The following SFMBT2 variants were observed in gnomAD, a reference collection of about 807,000 sequenced individuals.
SFMBT2 encodes the protein Scm like with four mbt domains 2, also known as scm-like with four MBT domains protein 2.
SFMBT2 carries 38 observed loss-of-function variants against 110.1 expected under a neutral mutation model. The ratio of observed to expected loss-of-function variants is 0.35; its 90% confidence interval spans 0.27 to 0.45. The LOEUF (loss-of-function observed/expected upper bound fraction) is 0.45, where lower values mean the gene tolerates loss of function less well. Among genes scored for constraint, SFMBT2 ranks in the 20% least tolerant of loss-of-function variants. The probability of loss-of-function intolerance (pLI) is 1.00; values close to 1 mark genes in which losing one functional copy is unlikely to be tolerated. For missense variants in SFMBT2, 1,011 were observed against 1,094.9 expected (o/e 0.92, Z 1.08); for synonymous variants, 425 against 425.4 (o/e 1.00, Z 0.01).
At chr10:7,197,950 T>A (rs1215846528) in intron 14 of SFMBT2, 29 of 980,388 alleles carry the variant, frequency 3.0e-5, no homozygotes, top group Non-Finnish European at 3.4e-5. Context: ...GAAAAACAGA[T>A]GATTTTCTTC....
intron 4 of SFMBT2, chr10:7,329,389 G>T: frequency 1.0e-6 from 1 of 970,500 alleles, no homozygotes; most frequent in Non-Finnish European, 1.2e-6. Flanking sequence ...CCAGTCCTCA[G>T]CAGCCATCAG....
chr10:7,376,905 C>T (rs1475860219), intron 2 of SFMBT2, among the ~76,000 whole-genome samples: 2 of 148,550 alleles, frequency 1.3e-5, no homozygotes, highest in Admixed American at 6.7e-5. Flanking sequence ...AGTGTGGTGG[C>T]TCACGCCTGT....
chr10:7,331,098 T>C (rs1194083635), intron 4 of SFMBT2, among the ~76,000 whole-genome samples: 2 of 152,264 alleles, frequency 1.3e-5, no homozygotes, highest in Non-Finnish European at 2.9e-5. Flanking sequence ...CTGTGACTTC[T>C]TTGGTACTTG....
At chr10:7,263,636 G>GA (rs1004865273) in intron 7 of SFMBT2, among the ~76,000 whole-genome samples, 1 of 152,204 alleles carries the variant, frequency 6.6e-6, no homozygotes, top group Non-Finnish European at 1.5e-5. Context: ...ATGACTTGGG[G>GA]AAAAAATTAA....
intron 12 of SFMBT2, 34 bp downstream of exon 12, chr10:7,205,781 G>A: frequency 1.2e-6 from 2 of 1,603,898 alleles, no homozygotes; most frequent in Non-Finnish European, 1.7e-6. Flanking sequence ...GATCACTGGT[G>A]TCATCCACCC....
chr10:7,206,977 G>A (rs1231697457), intron 11 of SFMBT2: 1 of 973,538 alleles, frequency 1.0e-6, no homozygotes, highest in Non-Finnish European at 1.2e-6. Context: ...TGTAATCCCA[G>A]CACTTTGGGA....
intron 15 of SFMBT2, among the ~76,000 whole-genome samples, chr10:7,193,924 G>A (rs757769567): frequency 2.9e-4 from 44 of 152,276 alleles, no homozygotes; most frequent in Admixed American, 6.5e-4. Flanking sequence ...CTGGTACTCC[G>A]GGAGAGGTTG....
intron 4 of SFMBT2, among the ~76,000 whole-genome samples, chr10:7,290,159 A>C (rs1016705751): frequency 6.6e-6 from 1 of 152,152 alleles, no homozygotes; most frequent in Admixed American, 6.5e-5. Context: ...CAGGGAGAAA[A>C]ACACTCTGCA....
chr10:7,287,012 A>G (rs1313402704), intron 4 of SFMBT2, among the ~76,000 whole-genome samples: 1 of 152,128 alleles, frequency 6.6e-6, no homozygotes, highest in East Asian at 1.9e-4. Context: ...TCCAAGTAGA[A>G]AAGTGATAGG....
intron 7 of SFMBT2, among the ~76,000 whole-genome samples, chr10:7,255,444 A>G (rs1370778863): frequency 6.6e-6 from 1 of 152,202 alleles, no homozygotes; most frequent in Non-Finnish European, 1.5e-5. Context: ...AGAGTACTGG[A>G]GTCTGGTCAA....
In SFMBT2 at chr10:7,350,406, C is replaced by A. The variant is rs534385170; in HGVS notation, c.436+17243G>T. Among the ~76,000 whole-genome samples the A allele has an allele frequency of 3.3e-5, 5 of 152,210 alleles. No individual in the cohort carries two copies. The South Asian group carries it at 1.0e-3, about 32-fold the overall frequency. ...AAGATATCTGAACTACCAGGTGTGA[C>A]CCCACCCAGCCACTCTTCCGGGCCA... On this transcript the variant is annotated intron_variant, in intron 4 of 20. Coordinates refer to ENST00000397167, the MANE Select transcript of SFMBT2 (RefSeq NM_001387889.1).
At chr10:7,399,688 G>A (rs985904443) in intron 1 of SFMBT2, among the ~76,000 whole-genome samples, 5 of 152,164 alleles carry the variant, frequency 3.3e-5, no homozygotes, top group African/African-American at 7.2e-5. Flanking sequence ...GGAGGCCTGC[G>A]TCCATATGGT....
At chr10:7,169,784 G>A (rs1365779042) in intron 20 of SFMBT2, among the ~76,000 whole-genome samples, 1 of 152,112 alleles carries the variant, frequency 6.6e-6, no homozygotes, top group African/African-American at 2.4e-5. Flanking sequence ...AAGGGATAAT[G>A]TAAATAAAAA....
At position 7,160,298 on chromosome 10, in the gene SFMBT2, T is replaced by C. The variant is rs1837516382; in HGVS notation, c.*3472A>G. 6.6e-6 allele frequency: 1 copy of C among 152,242 alleles called. No individual in the cohort carries two copies. Among genetic ancestry groups the C allele is most frequent in the Admixed American group, 6.5e-5 (1 of 15,284 alleles). 9.4% of individuals were successfully genotyped at this position (152,242 alleles called of 1,614,324 possible). ...CTAGGTTGTTAGGCTTATGTCTTTG[T>C]GGACAGGATATTTTTTCAACATAGT... On this transcript the variant is annotated 3_prime_UTR_variant, in exon 21 of 21. Transcript: ENST00000397167.
intron 11 of SFMBT2, among the ~76,000 whole-genome samples, chr10:7,212,621 A>G (rs1381561599): frequency 1.3e-5 from 2 of 152,046 alleles, no homozygotes; most frequent in Admixed American, 1.3e-4. Flanking sequence ...TGACTCTTAC[A>G]CTCTATCGAT....
At chr10:7,260,972 G>T (rs1841179005) in intron 7 of SFMBT2, among the ~76,000 whole-genome samples, 1 of 151,182 alleles carries the variant, frequency 6.6e-6, no homozygotes, top group African/African-American at 2.4e-5. Context: ...AAAAAAAAAA[G>T]TGTGGCCTTG....
chr10:7,337,823 G>A (rs1289476694), intron 4 of SFMBT2, among the ~76,000 whole-genome samples: 1 of 152,124 alleles, frequency 6.6e-6, no homozygotes. Context: ...AGACGAAAAT[G>A]GCAGATTCAG....
chr10:7,319,862 C>CAGAGGGAGACAGAGAGGGAGAGAGACAG (rs1843124781), intron 4 of SFMBT2, among the ~76,000 whole-genome samples: 1 of 128,254 alleles, frequency 7.8e-6, no homozygotes, highest in Non-Finnish European at 1.7e-5. Context: ...GAGAGAGACA[C>CAGAGGGAGACAGAGAGGGAGAGAGACAG]AGAGGGAGAC....
chr10:7,347,248 C>T (rs1844146964), intron 4 of SFMBT2, among the ~76,000 whole-genome samples: 1 of 152,212 alleles, frequency 6.6e-6, no homozygotes, highest in Admixed American at 6.5e-5. Context: ...CTGCTGTCCC[C>T]AGCCTCTCCC....
Sources: gnomAD v4.1 joint callset for allele counts (sites outside exome capture counted in the v4.1 genomes callset) on GRCh38, gnomAD v4.1.1 for gene constraint, MANE v1.5 for transcripts, NCBI Gene and HGNC (gene_info 2026-07-23, HGNC 2026-07-21) for gene names.